ELK3: variants seen among roughly 807,000 people sequenced by gnomAD.
ELK3 encodes ETS transcription factor ELK3.
A neutral mutation model predicts 28.9 loss-of-function variants in ELK3; 10 were observed. That is an observed-to-expected ratio of 0.35 (90% confidence interval 0.21 to 0.59). The LOEUF (loss-of-function observed/expected upper bound fraction) is 0.59, where lower values mean the gene tolerates loss of function less well. Ranked by LOEUF, ELK3 falls within the 20% of genes least tolerant of loss-of-function variation. The probability of loss-of-function intolerance (pLI) is 0.82; values close to 1 mark genes in which losing one functional copy is unlikely to be tolerated. For synonymous variants in ELK3, 272 were observed against 243.5 expected (o/e 1.12, Z -1.09); for missense variants, 463 against 517.3 (o/e 0.90, Z 1.02).
intron 3 of ELK3, among the ~76,000 whole-genome samples, chr12:96,252,472 A>G (rs1951914742): frequency 6.6e-6 from 1 of 152,126 alleles, no homozygotes; most frequent in Admixed American, 6.6e-5. Context: ...TCTGGAAAGG[A>G]GTCACCATCC....
intron 1 of ELK3, 162 bp from the exon 2 acceptor site, chr12:96,223,403 T>TGG: frequency 1.6e-6 from 1 of 640,708 alleles, no homozygotes; most frequent in Non-Finnish European, 2.7e-6. Context: ...AAGCTCCTGG[T>TGG]TCAGAGTGGC....
rs981846709 is a variant in ELK3 at position 96,259,594 on chromosome 12, C to G, written c.1003-137C>G. The stretch of plus-strand genomic sequence containing the variant: ...ACTGTTCACAGCCCCTCAGAATTAA[C>G]GTTGCCAGTTTTCCTGAGATGGTAA... On this transcript the variant is annotated intron_variant, in intron 3 of 4. Coordinates refer to ENST00000228741, the MANE Select transcript of ELK3 (RefSeq NM_005230.4). 5.6e-5 allele frequency: 52 copies of G among 921,184 alleles called. No individual in the cohort carries two copies. In the African/African-American group the frequency reaches 8.4e-4, roughly 15 times the overall value. 57.1% of individuals were successfully genotyped at this position (921,184 alleles called of 1,614,324 possible).
Position 96,246,797 on chromosome 12 carries a change from T to C in ELK3, c.208-143T>C, listed in dbSNP as rs554944054. The C allele has an allele frequency of 3.7e-6, 3 of 817,898 alleles. No homozygotes were observed. In the Admixed American group the frequency reaches 9.0e-5, roughly 24 times the overall value. The allele number at this position is 817,898 out of a possible 1,614,324, so 50.7% of individuals were successfully genotyped here. On this transcript the variant is annotated intron_variant, in intron 2 of 4. Transcript: ENST00000228741. ...ACATCTAATTCTACTTCCAACTTCA[T>C]TCCTCCTTCCACTTTTCCTTAGCCA... is the stretch of plus-strand genomic sequence containing the variant.
At chr12:96,248,971 A>G (rs1039893963) in intron 3 of ELK3, among the ~76,000 whole-genome samples, 4 of 152,230 alleles carry the variant, frequency 2.6e-5, no homozygotes, top group African/African-American at 7.2e-5. Context: ...CTGAAATCCA[A>G]AATGTTGCAA....
At position 96,223,792 on chromosome 12, in the gene ELK3, A is replaced by T. The variant is rs756568639; in HGVS notation, c.207+19A>T. 10 of 1,612,876 alleles carry T rather than the reference A, an allele frequency of 6.2e-6. No individual in the cohort carries two copies. Among genetic ancestry groups the T allele is most frequent in the Non-Finnish European group, 8.5e-6 (10 of 1,179,062 alleles). The stretch of plus-strand genomic sequence containing the variant: ...TGACAAGGTAAACCCTTGACCTTGC[A>T]TGGGGCCGTCTTGGGGAGGGTGGAA... On this transcript the variant is annotated intron_variant, in intron 2 of 4. Coordinates refer to ENST00000228741, the MANE Select transcript of ELK3 (RefSeq NM_005230.4).
At chr12:96,263,298 T>C (rs1385542587) in intron 4 of ELK3, among the ~76,000 whole-genome samples, 3 of 152,312 alleles carry the variant, frequency 2.0e-5, no homozygotes, top group Middle Eastern at 6.8e-3. Context: ...ACCGAAGACA[T>C]TGTGCTAAAT....
chr12:96,225,654 G>A (rs1000320951), intron 2 of ELK3, among the ~76,000 whole-genome samples: 2 of 152,184 alleles, frequency 1.3e-5, no homozygotes, highest in Admixed American at 6.5e-5. Context: ...CTGCCCAGGT[G>A]CACACAGCCA....
At chr12:96,215,493 G>A (rs1233189366) in intron 1 of ELK3, among the ~76,000 whole-genome samples, 2 of 152,138 alleles carry the variant, frequency 1.3e-5, no homozygotes, top group African/African-American at 4.8e-5. Context: ...CTCTCACGTA[G>A]GCGGAGGCGG....
At chr12:96,230,464 A>G (rs1262348848) in intron 2 of ELK3, among the ~76,000 whole-genome samples, 1 of 152,184 alleles carries the variant, frequency 6.6e-6, no homozygotes, top group East Asian at 1.9e-4. Flanking sequence ...AGCAAATCCT[A>G]AAAGGAAACT....
intron 2 of ELK3, among the ~76,000 whole-genome samples, chr12:96,225,633 G>A (rs1951693596): frequency 6.6e-6 from 1 of 152,168 alleles, no homozygotes; most frequent in Non-Finnish European, 1.5e-5. Context: ...GTGGAGGCTT[G>A]GATGAGAAAC....
At chr12:96,214,035 C>T (rs1373225596) in intron 1 of ELK3, among the ~76,000 whole-genome samples, 1 of 152,120 alleles carries the variant, frequency 6.6e-6, no homozygotes, top group Non-Finnish European at 1.5e-5. Context: ...CCCAGTAATC[C>T]TTGCATTGTG....
At chr12:96,215,425 C>T (rs555183993) in intron 1 of ELK3, among the ~76,000 whole-genome samples, 33 of 152,216 alleles carry the variant, frequency 2.2e-4, no homozygotes, top group African/African-American at 7.9e-4. Flanking sequence ...TTTTCGGTGA[C>T]AGAGGCAGGA....
In ELK3 at chr12:96,247,112, C is replaced by T. The variant is rs746668569; in HGVS notation, c.380C>T (p.Ala127Val). The change falls in exon 3 of 5, where the codon GCC becomes GTC. Residue 127 changes from alanine (A) to valine (V), a missense_variant. Physicochemically the swap from Ala to Val is moderately conservative, Grantham distance 64. Around this residue, in one of 2 missense-constraint regions of ELK3, gnomAD observed 408 missense variants for 414.8 expected, o/e 0.98. Coordinates refer to ENST00000228741, the MANE Select transcript of ELK3 (RefSeq NM_005230.4). This position sits in a 1 kb window ranked among gnomAD's most constrained non-coding sequence, Gnocchi z 5.5. ...CGCGAGGCCCACAAACACGGCCTGGCCGCCCTCAGAAGCACGAGCCGCAAC... is the reference window on the plus strand; with the variant it reads ...CGCGAGGCCCACAAACACGGCCTGGTCGCCCTCAGAAGCACGAGCCGCAAC... ...EGREAHKHGL[A>V]ALRSTSRNEY... The T allele has an allele frequency of 6.2e-7, 1 of 1,613,080 alleles. No homozygotes were observed. The highest frequency in any genetic ancestry group is 8.5e-7 in the Non-Finnish European group (1 of 1,179,626).
In ELK3 at chr12:96,268,146, G is replaced by A. The variant is rs937428660; in HGVS notation, c.*966G>A. On this transcript the variant is annotated 3_prime_UTR_variant, in exon 5 of 5. Coordinates refer to ENST00000228741, the MANE Select transcript of ELK3 (RefSeq NM_005230.4). ...AACATTTAAAAAATCTAATGCTTTA[G>A]AAGAAGCTCACAGAGTGGTGATGAA... 6.6e-5 allele frequency: 10 copies of A among 152,212 alleles called. No homozygotes were observed. The highest frequency in any genetic ancestry group is 2.2e-4 in the African/African-American group (9 of 41,456). The allele number at this position is 152,212 out of a possible 1,614,324, so 9.4% of individuals were successfully genotyped here.
Position 96,246,948 on chromosome 12 carries a change from C to T in ELK3, c.216C>T (p.Ile72=). Residue 72 remains isoleucine, a synonymous_variant, in exon 3 of 5, where the codon ATC becomes ATT. Transcript: ENST00000228741. ...ALRYYYDKNI[I]KKVIGQKFVY... is the part of the protein sequence containing the mutation. ...TACTTTTGTATTTGCAGAACATCAT[C>T]AAGAAGGTGATCGGGCAGAAGTTTG... 6.3e-7 allele frequency: 1 copy of T among 1,595,130 alleles called. No individual in the cohort carries two copies. The highest frequency in any genetic ancestry group is 8.6e-7 in the Non-Finnish European group (1 of 1,168,742).
chr12:96,244,036 T>C (rs1039972017), intron 2 of ELK3, among the ~76,000 whole-genome samples: 1 of 151,854 alleles, frequency 6.6e-6, no homozygotes, highest in Non-Finnish European at 1.5e-5. Flanking sequence ...TCTATGATTC[T>C]GTTTAATGAA....
chr12:96,235,723 G>T (rs1951778141), intron 2 of ELK3, among the ~76,000 whole-genome samples: 2 of 152,144 alleles, frequency 1.3e-5, no homozygotes, highest in Admixed American at 1.3e-4. Flanking sequence ...AGCGCTGGAG[G>T]TGGCCGCTCA....
intron 3 of ELK3, among the ~76,000 whole-genome samples, chr12:96,258,773 T>A (rs1031062375): frequency 2.0e-5 from 3 of 152,150 alleles, no homozygotes; most frequent in Non-Finnish European, 4.4e-5. Flanking sequence ...ATTCAGTCCT[T>A]GGAACTCCCC....
intron 1 of ELK3, among the ~76,000 whole-genome samples, chr12:96,210,597 A>ACACACACACACACC (rs1416746905): frequency 3.4e-5 from 5 of 148,958 alleles, no homozygotes; most frequent in African/African-American, 9.9e-5. Context: ...ACACACACAC[A>ACACACACACACACC]CCCCGAGTGG....
Sources: allele counts gnomAD v4.1 joint callset (sites outside exome capture counted in the v4.1 genomes callset), GRCh38; gene constraint gnomAD v4.1.1; regional missense constraint gnomAD v4.1.1; non-coding constraint Gnocchi (gnomAD v3.1); transcripts MANE v1.5; gene names NCBI Gene and HGNC (gene_info 2026-07-23, HGNC 2026-07-21).